Variants in RIMS4 observed in about 807,000 individuals in gnomAD.
RIMS4 encodes the protein regulating synaptic membrane exocytosis 4, also known as regulating synaptic membrane exocytosis protein 4.
A neutral mutation model predicts 29.0 loss-of-function variants in RIMS4; 9 were observed. That is an observed-to-expected ratio of 0.31 (90% CI 0.19 to 0.54). The LOEUF (loss-of-function observed/expected upper bound fraction) is 0.54. Among genes scored for constraint, RIMS4 ranks in the 20% least tolerant of loss-of-function variants. The probability of loss-of-function intolerance (pLI) is 0.94; values close to 1 mark genes in which losing one functional copy is unlikely to be tolerated. For missense variants in RIMS4, 193 were observed against 365.7 expected (o/e 0.53, Z 3.85); for synonymous variants, 130 against 152.9 (o/e 0.85, Z 1.10).
intron 1 of RIMS4, among the ~76,000 whole-genome samples, chr20:44,802,449 G>A (rs990361115): frequency 3.3e-5 from 5 of 152,104 alleles, no homozygotes; most frequent in East Asian, 1.9e-4. Flanking sequence ...CAGATCTGCC[G>A]GATTCCAAAG....
rs117366336 is a variant in RIMS4 at position 44,780,437 on chromosome 20, C to T, written c.98-9024G>A. On this transcript the variant is annotated intron_variant, in intron 1 of 5. Coordinates refer to ENST00000372851, the MANE Select transcript of RIMS4 (RefSeq NM_182970.4). ...GGAGATTTTAGAACTACGAAGCATC[C>T]CTATCTGTGGTTGTTTTCAAACCAC... Among the ~76,000 whole-genome samples, 8 of 152,290 alleles carry T rather than the reference C, an allele frequency of 5.3e-5. No individual in the cohort carries two copies. In the East Asian group the frequency reaches 1.5e-3, roughly 29 times the overall value.
intron 1 of RIMS4, among the ~76,000 whole-genome samples, chr20:44,773,448 C>G (rs1220205290): frequency 6.6e-6 from 1 of 152,130 alleles, no homozygotes; most frequent in African/African-American, 2.4e-5. Context: ...CACACACACA[C>G]AGCACTGTAC....
intron 2 of RIMS4, among the ~76,000 whole-genome samples, chr20:44,761,356 T>C (rs1447488329): frequency 6.6e-6 from 1 of 152,144 alleles, no homozygotes; most frequent in East Asian, 1.9e-4. Flanking sequence ...CCTCTATACT[T>C]TGAAGCTACC....
intron 1 of RIMS4, among the ~76,000 whole-genome samples, chr20:44,775,064 G>A (rs750711970): frequency 3.3e-5 from 5 of 152,180 alleles, no homozygotes; most frequent in Non-Finnish European, 7.3e-5. Flanking sequence ...GGGCCCTGAA[G>A]CATGGCCCTT....
At chr20:44,782,631 G>C (rs1601033329) in intron 1 of RIMS4, among the ~76,000 whole-genome samples, 1 of 152,230 alleles carries the variant, frequency 6.6e-6, no homozygotes, top group African/African-American at 2.4e-5. Context: ...AACTCATCTG[G>C]GACCCAGGGT....
chr20:44,799,411 G>A (rs1377341454), intron 1 of RIMS4, among the ~76,000 whole-genome samples: 3 of 151,940 alleles, frequency 2.0e-5, no homozygotes, highest in African/African-American at 7.2e-5. Flanking sequence ...CCCAGTAGAA[G>A]CTGGGCACAA....
intron 1 of RIMS4, among the ~76,000 whole-genome samples, chr20:44,788,345 C>T (rs1371327840): frequency 1.3e-5 from 2 of 152,208 alleles, no homozygotes; most frequent in Non-Finnish European, 2.9e-5. Context: ...AGGCACAGAA[C>T]ATTTTCATCA....
chr20:44,802,703 CCTCT>C (rs1292561412), intron 1 of RIMS4, among the ~76,000 whole-genome samples: 1 of 152,150 alleles, frequency 6.6e-6, no homozygotes, highest in Non-Finnish European at 1.5e-5. Context: ...GAGTTCTTGG[CCTCT>C]CTCTAACTTC....
Position 44,766,401 on chromosome 20 carries a change from A to G in RIMS4, c.236+4874T>C, listed in dbSNP as rs545917321. Among the ~76,000 whole-genome samples the G allele has an allele frequency of 1.4e-3, 209 of 152,184 alleles. 1 individual carries two copies. The highest frequency in any genetic ancestry group is 4.9e-3 in the African/African-American group (205 of 41,510). On this transcript the variant is annotated intron_variant, in intron 2 of 5. Transcript: ENST00000372851. Reference sequence around the variant, plus strand: ...GGTAGAGGGTGCAATGGATGCAAAGACCTGGAGGTGAGAAAAGTGAAGGGT... The same window carrying G: ...GGTAGAGGGTGCAATGGATGCAAAGGCCTGGAGGTGAGAAAAGTGAAGGGT...
At chr20:44,795,501 G>A (rs909153600) in intron 1 of RIMS4, among the ~76,000 whole-genome samples, 9 of 152,004 alleles carry the variant, frequency 5.9e-5, no homozygotes, top group Non-Finnish European at 1.0e-4. Flanking sequence ...GTGTGATGGC[G>A]GGCGCCTGCA....
At chr20:44,797,633 G>C (rs1423221180) in intron 1 of RIMS4, among the ~76,000 whole-genome samples, 2 of 152,192 alleles carry the variant, frequency 1.3e-5, no homozygotes, top group Non-Finnish European at 2.9e-5. Flanking sequence ...ACTTGTACTT[G>C]ATTCCTTGTG....
intron 1 of RIMS4, among the ~76,000 whole-genome samples, chr20:44,776,628 C>A (rs1184504888): frequency 6.6e-6 from 1 of 152,168 alleles, no homozygotes; most frequent in Non-Finnish European, 1.5e-5. Flanking sequence ...AATCTCAGGG[C>A]TATGTGAGCA....
intron 2 of RIMS4, among the ~76,000 whole-genome samples, chr20:44,765,379 G>C (rs933942807): frequency 1.3e-5 from 2 of 152,144 alleles, no homozygotes; most frequent in Non-Finnish European, 1.5e-5. Context: ...CAGAGCCTTG[G>C]TTTACTCCCC....
intron 1 of RIMS4, among the ~76,000 whole-genome samples, chr20:44,777,867 C>T (rs961475864): frequency 2.0e-5 from 3 of 152,198 alleles, no homozygotes; most frequent in Admixed American, 6.5e-5. Flanking sequence ...TGAAGTTCCC[C>T]CAGACACAAG....
At chr20:44,762,603 T>C (rs1393900082) in intron 2 of RIMS4, among the ~76,000 whole-genome samples, 1 of 152,216 alleles carries the variant, frequency 6.6e-6, no homozygotes, top group Non-Finnish European at 1.5e-5. Flanking sequence ...CTGGCAGGCC[T>C]GGTAATTAGC....
intron 1 of RIMS4, among the ~76,000 whole-genome samples, chr20:44,800,576 GA>G (rs2066273624): frequency 6.6e-6 from 1 of 151,832 alleles, no homozygotes; most frequent in South Asian, 2.1e-4. Context: ...CAGCTAGAGA[GA>G]AACTGGCAGG....
chr20:44,807,691 A>G (rs1416352407), intron 1 of RIMS4, among the ~76,000 whole-genome samples: 2 of 152,214 alleles, frequency 1.3e-5, no homozygotes, highest in African/African-American at 2.4e-5. Context: ...AATAAATCCA[A>G]AAAGGCTTCT....
rs2066052546 is a variant in RIMS4, at chr20:44,754,994, G to A, written c.*1140C>T. ...GGAAGGCAGCTACCCAGGCCTGCTG[G>A]AAAAGGAATCTCCCAGTTCTTACAC... On this transcript the variant is annotated 3_prime_UTR_variant, in exon 6 of 6. Coordinates refer to ENST00000372851, the MANE Select transcript of RIMS4 (RefSeq NM_182970.4). The A allele has an allele frequency of 6.5e-6, 1 of 152,708 alleles. No homozygotes were observed. The highest frequency in any genetic ancestry group is 6.5e-5 in the Admixed American group (1 of 15,290). 9.5% of individuals were successfully genotyped at this position (152,708 alleles called of 1,614,324 possible).
intron 1 of RIMS4, among the ~76,000 whole-genome samples, chr20:44,788,794 A>G (rs535735523): frequency 3.3e-5 from 5 of 151,986 alleles, no homozygotes; most frequent in African/African-American, 1.2e-4. Context: ...TGATTTTACT[A>G]CCCACTTAAA....
Sources: gnomAD v4.1 joint callset for allele counts (sites outside exome capture counted in the v4.1 genomes callset) on GRCh38, gnomAD v4.1.1 for gene constraint, MANE v1.5 for transcripts, NCBI Gene and HGNC (gene_info 2026-07-23, HGNC 2026-07-21) for gene names.